Variants in LTBP4 observed in about 807,000 individuals in gnomAD.
The protein encoded by LTBP4 is latent transforming growth factor beta binding protein 4.
LTBP4 carries 93 observed loss-of-function variants against 180.2 expected under a neutral mutation model. The ratio of observed to expected loss-of-function variants is 0.52; its 90% CI spans 0.44 to 0.61. The LOEUF (loss-of-function observed/expected upper bound fraction) is 0.61. Among genes scored for constraint, LTBP4 ranks in the 20% least tolerant of loss-of-function variants. The pLI is 0.00. For missense variants in LTBP4, 2,116 were observed against 2,256.5 expected (o/e 0.94, Z 1.26); for synonymous variants, 947 against 934.5 (o/e 1.01, Z -0.24).
intron 12 of LTBP4, 133 bp downstream of exon 12, chr19:40,610,790 G>T: frequency 7.4e-7 from 1 of 1,343,624 alleles, no homozygotes; most frequent in Non-Finnish European, 9.9e-7. Context: ...TCGAGCAGAC[G>T]TGTGGCCTGA....
chr19:40,605,574 A>T lies in LTBP4; in HGVS notation c.612A>T (p.Ala204=). ...AEAAAPYTVL[A]QSAPREDGYS... is the part of the protein sequence containing the mutation. Reference sequence around the variant, plus strand: ...CGGCAGCGCCCTACACGGTGTTGGCACAGAGCGCGCCGCGGGAGGACGGCT... The same window carrying T: ...CGGCAGCGCCCTACACGGTGTTGGCTCAGAGCGCGCCGCGGGAGGACGGCT... Residue 204 remains alanine (A), a synonymous_variant, in exon 3 of 30, where the codon GCA becomes GCT. Transcript: ENST00000396819. The surrounding 1 kb of genome is among the most constrained non-coding windows in gnomAD (Gnocchi z 5.5). 6.2e-7 allele frequency: 1 copy of T among 1,604,256 alleles called. No individual in the cohort carries two copies. The highest frequency in any genetic ancestry group is 8.5e-7 in the Non-Finnish European group (1 of 1,176,020).
intron 26 of LTBP4, 48 bp downstream of exon 26, chr19:40,624,130 C>T: frequency 6.8e-7 from 1 of 1,475,624 alleles, no homozygotes; most frequent in South Asian, 1.3e-5. Flanking sequence ...GGCTCGGCCT[C>T]ACACCCGCAC....
chr19:40,593,309 C>A, intron 1 of LTBP4: 2 of 1,035,278 alleles, frequency 1.9e-6, no homozygotes, highest in Non-Finnish European at 2.9e-6. Flanking sequence ...GTGGTGCAAT[C>A]ATGGCTCACT....
Position 40,611,363 on chromosome 19 carries a change from C to A in LTBP4, c.2022C>A (p.Phe674Leu). ...TTCACTGTGCCTGCCCTGCTGGCTT[C>A]CGCTCCCGAGGGCCCGGGGCCCCCT... ...GSFHCACPAG[F>L]RSRGPGAPCQ... The change falls in exon 13 of 30, where the codon TTC (phenylalanine) becomes TTA (leucine). Residue 674 changes from phenylalanine (F) to leucine (L), a missense_variant. Phe to Leu is a conservative substitution (Grantham distance 22). Around this residue, in one of 5 missense-constraint regions of LTBP4, gnomAD observed 877 missense variants for 873.6 expected, o/e 1.00. Coordinates refer to ENST00000396819, the MANE Select transcript of LTBP4 (RefSeq NM_001042545.2). The surrounding 1 kb of genome is among the most constrained non-coding windows in gnomAD (Gnocchi z 4.4). 1 of 1,608,260 alleles carries A rather than the reference C, an allele frequency of 6.2e-7. No homozygotes were observed. The highest frequency in any genetic ancestry group is 1.1e-5 in the South Asian group (1 of 90,858).
At chr19:40,610,450 G>A (rs904555756) in intron 11 of LTBP4, 82 bp from the exon 12 acceptor site, 11 of 1,488,890 alleles carry the variant, frequency 7.4e-6, no homozygotes, top group Non-Finnish European at 9.0e-6. Flanking sequence ...TCCCGCTCCC[G>A]CTTCCCTCTA....
upstream of LTBP4, among the ~76,000 whole-genome samples, chr19:40,597,681 C>T (rs1242849470): frequency 4.0e-5 from 6 of 151,602 alleles, no homozygotes; most frequent in African/African-American, 1.2e-4. Context: ...CTGAGCTCTC[C>T]TAGAATGATA....
In LTBP4 at chr19:40,627,278, G is replaced by A. The variant is rs371900636; in HGVS notation, c.4289G>A (p.Arg1430His). The change falls in exon 28 of 30, where the codon CGC (arginine) becomes CAC (histidine). Residue 1430 changes from arginine to histidine, a missense_variant. Physicochemically the swap from Arg to His is conservative, Grantham distance 29 (BLOSUM62 0). Coordinates refer to ENST00000396819, the MANE Select transcript of LTBP4 (RefSeq NM_001042545.2). ...CCTGCGCCACCTGGCCCGGGCACCC[G>A]CTGGCCCTATCGGTCCCGGGACACC... is the stretch of plus-strand genomic sequence containing the variant. The part of the protein sequence containing the change: ...EAPAPPGPGT[R>H]WPYRSRDTRR... 8 of 1,546,792 alleles carry A rather than the reference G, an allele frequency of 5.2e-6. No individual in the cohort carries two copies. Among genetic ancestry groups the A allele is most frequent in the African/African-American group, 1.4e-5 (1 of 73,532 alleles).
chr19:40,625,863 A>G lies in LTBP4; in HGVS notation c.3839A>G (p.Asn1280Ser), dbSNP rs752913624. The change falls in exon 27 of 30, where the codon AAT becomes AGT. Residue 1280 changes from asparagine to serine, a missense_variant. Physicochemically the swap from Asn to Ser is conservative, Grantham distance 46. Transcript: ENST00000396819. ...ATGCTGTCTCCACCTACAGATGACA[A>G]TCTGGGAGTGTGCTGGCAGGAAGTG... Reference protein sequence around the residue: ...VSNESQSLDDNLGVCWQEVGA... With the variant: ...VSNESQSLDDSLGVCWQEVGA... 13 of 1,586,976 alleles carry G rather than the reference A, an allele frequency of 8.2e-6. No individual in the cohort carries two copies. In the Admixed American group the frequency reaches 1.3e-4, roughly 15 times the overall value.
chr19:40,605,212 G>T lies in LTBP4; in HGVS notation c.428G>T (p.Arg143Leu). The part of the protein sequence containing the change: ...SVYTMPLANH[R>L]DDEHGVASMV... ...TACACTATGCCACTGGCCAACCACC[G>T]CGACGACGAGCACGGTGAGGAAAGG... The change falls in exon 2 of 30, where the codon CGC becomes CTC. Residue 143 changes from arginine (R) to leucine (L), a missense_variant. By Grantham distance (102) the Arg-to-Leu change is moderately radical. Coordinates refer to ENST00000396819, the MANE Select transcript of LTBP4 (RefSeq NM_001042545.2). The surrounding 1 kb of genome is among the most constrained non-coding windows in gnomAD (Gnocchi z 5.5). 6.3e-7 allele frequency: 1 copy of T among 1,596,444 alleles called. No individual in the cohort carries two copies. The highest frequency in any genetic ancestry group is 8.5e-7 in the Non-Finnish European group (1 of 1,171,634).
intron 9 of LTBP4, 81 bp downstream of exon 9, chr19:40,608,684 G>A (rs2081482536): frequency 1.3e-6 from 2 of 1,495,256 alleles, no homozygotes; most frequent in East Asian, 2.5e-5. Flanking sequence ...AGGCTGAGGA[G>A]GGTGGATCAC....
chr19:40,625,748 AT>A, intron 26 of LTBP4, 108 bp from the exon 27 acceptor site: 1 of 968,298 alleles, frequency 1.0e-6, no homozygotes, highest in Non-Finnish European at 1.5e-6. Flanking sequence ...GATGAGAAGG[AT>A]TTGCTGATAG....
chr19:40,625,316 A>ATATATATTT (rs1568414647), intron 26 of LTBP4, among the ~76,000 whole-genome samples: 2 of 21,938 alleles, frequency 9.1e-5, no homozygotes, highest in African/African-American at 2.4e-4. Flanking sequence ...ATATATATAT[A>ATATATATTT]TTTTTTTTTT....
intron 22 of LTBP4, among the ~76,000 whole-genome samples, chr19:40,620,767 C>CAAAAA (rs57662483): frequency 1.0e-5 from 1 of 100,484 alleles, no homozygotes; most frequent in African/African-American, 3.7e-5. Context: ...GACTCCGTCC[C>CAAAAA]AAAAAAAAAA....
In LTBP4 at chr19:40,606,692, A is replaced by G. The variant is rs891951396; in HGVS notation, c.991+166A>G. On this transcript the variant is annotated intron_variant, in intron 6 of 29. Transcript: ENST00000396819. ...TCTCAGATTCTTATACAGCTTCAGC[A>G]TCCCTGGACCACCTTTAGACCTTTC... 5.3e-5 allele frequency among the ~76,000 whole-genome samples: 8 copies of G among 151,600 alleles called. No homozygotes were observed. The East Asian group carries it at 5.8e-4, about 11-fold the overall frequency.
intron 7 of LTBP4, among the ~76,000 whole-genome samples, chr19:40,607,807 G>A (rs1045450042): frequency 7.2e-5 from 11 of 152,160 alleles, no homozygotes; most frequent in African/African-American, 1.9e-4. Flanking sequence ...GTCCCACCCT[G>A]TCCCTGAACT....
At chr19:40,596,141 C>G (rs920909280) in intron 1 of LTBP4, among the ~76,000 whole-genome samples, 2 of 151,852 alleles carry the variant, frequency 1.3e-5, no homozygotes, top group Non-Finnish European at 2.9e-5. Context: ...AGGCTGGTCT[C>G]GAACTCCTGA....
rs1001085649 is a variant in LTBP4, at chr19:40,622,338, T to A, written c.3218-63T>A. ...ATCTATGCCAGCCTCAGTTTCCCCA[T>A]CTATGATAGTGGCGGGGCTGGGGAT... On this transcript the variant is annotated intron_variant, in intron 22 of 29. Coordinates refer to ENST00000396819, the MANE Select transcript of LTBP4 (RefSeq NM_001042545.2). The surrounding 1 kb of genome is among the most constrained non-coding windows in gnomAD (Gnocchi z 5.1). 1.9e-4 allele frequency: 275 copies of A among 1,448,312 alleles called. No homozygotes were observed. The highest frequency in any genetic ancestry group is 2.4e-4 in the Non-Finnish European group (266 of 1,090,320). 89.7% of individuals were successfully genotyped at this position (1,448,312 alleles called of 1,614,324 possible).
chr19:40,599,253 G>C (rs752434295), upstream of LTBP4: 5 of 1,613,700 alleles, frequency 3.1e-6, no homozygotes, highest in South Asian at 5.5e-5. Flanking sequence ...CGCTGCATCC[G>C]AGGTGGGTTC....
chr19:40,613,660 C>T lies in LTBP4; in HGVS notation c.2557+131C>T, dbSNP rs1423733039. Reference sequence around the variant, plus strand: ...GTATTCCAGCAGGATCAGGGGGCAGCTGGTGGGAGTCTCGAGGCAGTGAGG... The same window carrying T: ...GTATTCCAGCAGGATCAGGGGGCAGTTGGTGGGAGTCTCGAGGCAGTGAGG... On this transcript the variant is annotated intron_variant, in intron 17 of 29. Transcript: ENST00000396819. This position sits in a 1 kb window ranked among gnomAD's most constrained non-coding sequence, Gnocchi z 5.0. The T allele has an allele frequency of 2.8e-6, 4 of 1,425,342 alleles. No individual in the cohort carries two copies. Among genetic ancestry groups the T allele is most frequent in the Admixed American group, 4.0e-5 (2 of 50,388 alleles). 88.3% of individuals were successfully genotyped at this position (1,425,342 alleles called of 1,614,324 possible).
Sources: allele counts gnomAD v4.1 joint callset (sites outside exome capture counted in the v4.1 genomes callset), GRCh38; gene constraint gnomAD v4.1.1; regional missense constraint gnomAD v4.1.1; non-coding constraint Gnocchi (gnomAD v3.1); transcripts MANE v1.5; gene names NCBI Gene and HGNC (gene_info 2026-07-23, HGNC 2026-07-21).